SLC16A1: variants seen among roughly 807,000 people sequenced by gnomAD.
The protein encoded by SLC16A1 is monocarboxylate transporter 1.
In SLC16A1, 11 loss-of-function variants were observed where a neutral mutation model predicts 32.2. That is an observed-to-expected ratio of 0.34 (90% CI 0.21 to 0.56). SLC16A1 has a LOEUF of 0.56. Ranked by LOEUF, SLC16A1 falls within the 20% of genes least tolerant of loss-of-function variation. The pLI, the probability that SLC16A1 is intolerant of heterozygous loss-of-function variation, is 0.87. For missense variants in SLC16A1, 435 were observed against 615.0 expected (o/e 0.71, Z 3.10); for synonymous variants, 231 against 226.8 (o/e 1.02, Z -0.17).
chr1:112,949,490 T>C (rs1004616175), intron 1 of SLC16A1, among the ~76,000 whole-genome samples: 1 of 152,172 alleles, frequency 6.6e-6, no homozygotes, highest in African/African-American at 2.4e-5. Flanking sequence ...AACCAAGAAA[T>C]GGCATCATGA....
chr1:112,947,635 G>A (rs1270523873), intron 1 of SLC16A1, among the ~76,000 whole-genome samples: 2 of 152,014 alleles, frequency 1.3e-5, no homozygotes, highest in South Asian at 2.1e-4. Flanking sequence ...CATTTTAAAC[G>A]TTTTTAAACC....
chr1:112,920,476 G>A (rs1216538126), intron 3 of SLC16A1, among the ~76,000 whole-genome samples: 1 of 152,040 alleles, frequency 6.6e-6, no homozygotes, highest in Non-Finnish European at 1.5e-5. Flanking sequence ...TGTGGTAGCG[G>A]GCGCCTGTAA....
chr1:112,929,511 C>T (rs1337286965), intron 1 of SLC16A1, among the ~76,000 whole-genome samples, 159 bp from the exon 2 acceptor site: 1 of 151,748 alleles, frequency 6.6e-6, no homozygotes, highest in East Asian at 1.9e-4. Flanking sequence ...GCCAGGAGTT[C>T]AAGACAGCCC....
At chr1:112,924,033 G>A (rs574813558) in intron 2 of SLC16A1, 5 of 1,303,414 alleles carry the variant, frequency 3.8e-6, no homozygotes, top group Non-Finnish European at 5.6e-6. Context: ...GACTCAATGG[G>A]CAGAGATCTA....
intron 1 of SLC16A1, among the ~76,000 whole-genome samples, chr1:112,949,489 A>G (rs1465350463): frequency 6.6e-6 from 1 of 152,186 alleles, no homozygotes; most frequent in Non-Finnish European, 1.5e-5. Context: ...TAACCAAGAA[A>G]TGGCATCATG....
intron 4 of SLC16A1, among the ~76,000 whole-genome samples, chr1:112,914,497 G>T (rs1648434200): frequency 6.6e-6 from 1 of 152,180 alleles, no homozygotes; most frequent in Non-Finnish European, 1.5e-5. Flanking sequence ...AGAGGCTTGG[G>T]AGTCTTGTCC....
rs1340457702 is a variant in SLC16A1, at chr1:112,914,025, G to A, written c.1369C>T (p.Gln457Ter). ...LLAKEQKANEQKKESKEEETS... is the reference protein window; with the variant it reads ...LLAKEQKANE ...TCTTCCTCTTTACTTTCCTTTTTCT[G>A]CTCGTTTGCTTTCTGTTCTTTTGCC... The change falls in exon 5 of 5, where the codon CAG becomes TAG. Residue 457 changes from glutamine (Q) to a stop codon, truncating the protein, a stop_gained. Transcript: ENST00000369626. LOFTEE classifies it low-confidence loss of function (END_TRUNC). The A allele has an allele frequency of 6.2e-7, 1 of 1,614,002 alleles. No individual in the cohort carries two copies. Among genetic ancestry groups the A allele is most frequent in the Admixed American group, 1.7e-5 (1 of 59,998 alleles).
At chr1:112,948,652 C>T (rs563191488) in intron 1 of SLC16A1, among the ~76,000 whole-genome samples, 13 of 151,726 alleles carry the variant, frequency 8.6e-5, no homozygotes, top group South Asian at 2.1e-4. Flanking sequence ...TACAGGCAAC[C>T]GCCATCATGC....
intron 2 of SLC16A1, among the ~76,000 whole-genome samples, chr1:112,925,504 G>A (rs1417795046): frequency 6.6e-6 from 1 of 151,878 alleles, no homozygotes; most frequent in Non-Finnish European, 1.5e-5. Flanking sequence ...CCAGCCTCCC[G>A]AGTAGCTGGG....
In SLC16A1 at chr1:112,913,991, A is replaced by G. The variant is rs781729742; in HGVS notation, c.1403T>C (p.Ile468Thr). The stretch of plus-strand genomic sequence containing the variant: ...TTCATTTGGCTTCCCAGCAACATCT[A>G]TACTGGTCTCTTCCTCTTTACTTTC... The part of the protein sequence containing the change: ...KKESKEEETS[I>T]DVAGKPNEVT... Residue 468 changes from isoleucine to threonine, a missense_variant, in exon 5 of 5, where the codon ATA (isoleucine) becomes ACA (threonine). By Grantham distance (89) the Ile-to-Thr change is moderately conservative. Around this residue, in one of 2 missense-constraint regions of SLC16A1, gnomAD observed 111 missense variants for 114.7 expected, o/e 0.97. Transcript: ENST00000369626. The G allele has an allele frequency of 4.7e-5, 76 of 1,614,040 alleles. No individual in the cohort carries two copies. The South Asian group carries it at 7.2e-4, about 15-fold the overall frequency.
intron 2 of SLC16A1, among the ~76,000 whole-genome samples, chr1:112,927,328 T>A (rs566189117): frequency 6.7e-5 from 10 of 149,454 alleles, no homozygotes; most frequent in African/African-American, 2.4e-4. Flanking sequence ...AAACCAAAAG[T>A]AGGCAGGTAA....
intron 2 of SLC16A1, chr1:112,923,463 G>C (rs1648813837): frequency 1.3e-6 from 1 of 744,742 alleles, no homozygotes; most frequent in Admixed American, 2.0e-5. Context: ...ATGGAGATGG[G>C]GCGCCGTAGT....
intron 2 of SLC16A1, among the ~76,000 whole-genome samples, chr1:112,927,112 CCT>C (rs1299867556): frequency 4.9e-5 from 7 of 142,262 alleles, no homozygotes; most frequent in African/African-American, 1.9e-4. Flanking sequence ...ACAGTGAGAC[CCT>C]GTGTCAAAAA....
Position 112,929,291 on chromosome 1 carries a change from T to G in SLC16A1, c.18A>C (p.Gly6=), listed in dbSNP as rs1649044216. 1 of 1,614,026 alleles carries G rather than the reference T, an allele frequency of 6.2e-7. No homozygotes were observed. The highest frequency in any genetic ancestry group is 8.5e-7 in the Non-Finnish European group (1 of 1,179,998). MPPAV[G]GPVGYTPPDG... ...CTGGGGGGGTGTATCCAACTGGACC[T>G]CCAACTGCTGGTGGCATTTTAAGTG... The change falls in exon 2 of 5, where the codon GGA becomes GGC. Residue 6 remains glycine, a synonymous_variant. Coordinates refer to ENST00000369626, the MANE Select transcript of SLC16A1 (RefSeq NM_003051.4).
chr1:112,940,064 T>A (rs562485162), intron 1 of SLC16A1, among the ~76,000 whole-genome samples: 1 of 127,790 alleles, frequency 7.8e-6, no homozygotes, highest in Non-Finnish European at 1.7e-5. Flanking sequence ...TTTTTTTTTT[T>A]AAAGACAGTG....
chr1:112,936,982 A>G (rs1036365330), intron 1 of SLC16A1, among the ~76,000 whole-genome samples: 2 of 152,254 alleles, frequency 1.3e-5, no homozygotes, highest in African/African-American at 2.4e-5. Context: ...GCTATTTAAC[A>G]GGTCAGCTCT....
intron 2 of SLC16A1, chr1:112,924,117 G>A: frequency 7.2e-7 from 1 of 1,381,304 alleles, no homozygotes. Context: ...GGCCGCGTAT[G>A]GCGCCAGCGC....
intron 1 of SLC16A1, among the ~76,000 whole-genome samples, chr1:112,938,995 A>G (rs1649407536): frequency 6.6e-6 from 1 of 150,892 alleles, no homozygotes; most frequent in Non-Finnish European, 1.5e-5. Context: ...GTTTCAAACG[A>G]TTCTCCTGCC....
At position 112,913,269 on chromosome 1, in the gene SLC16A1, G is replaced by C. The variant is rs1215671150; in HGVS notation, c.*622C>G. 1.3e-5 allele frequency: 2 copies of C among 155,832 alleles called. No homozygotes were observed. Among genetic ancestry groups the C allele is most frequent in the Non-Finnish European group, 2.8e-5 (2 of 70,422 alleles). The allele number at this position is 155,832 out of a possible 1,614,324, so 9.7% of individuals were successfully genotyped here. On this transcript the variant is annotated 3_prime_UTR_variant, in exon 5 of 5. Coordinates refer to ENST00000369626, the MANE Select transcript of SLC16A1 (RefSeq NM_003051.4). ...GGGGTTGACAAGTACACTGTGTCTA[G>C]AACAGCCAAGATGTTGCCAAAGTTT...
Sources: allele counts gnomAD v4.1 joint callset (sites outside exome capture counted in the v4.1 genomes callset), GRCh38; gene constraint gnomAD v4.1.1; regional missense constraint gnomAD v4.1.1; transcripts MANE v1.5; gene names NCBI Gene and HGNC (gene_info 2026-07-23, HGNC 2026-07-21).